The following NFATC2 variants were observed in gnomAD, a reference collection of about 807,000 sequenced individuals.
NFATC2 encodes the protein nuclear factor of activated T cells 2.
In NFATC2, 22 loss-of-function variants were observed where a neutral mutation model predicts 87.3. The observed-to-expected ratio is 0.25, with a 90% confidence interval of 0.18 to 0.36. The LOEUF is 0.36. Among genes scored for constraint, NFATC2 ranks in the 10% least tolerant of loss-of-function variants. The pLI, the probability that NFATC2 is intolerant of heterozygous loss-of-function variation, is 1.00. For missense variants in NFATC2, 1,149 were observed against 1,259.1 expected (o/e 0.91, Z 1.32); for synonymous variants, 565 against 542.2 (o/e 1.04, Z -0.58).
intron 3 of NFATC2, among the ~76,000 whole-genome samples, chr20:51,498,903 G>A (rs1057435579): frequency 6.6e-6 from 1 of 152,236 alleles, no homozygotes; most frequent in Admixed American, 6.5e-5. Flanking sequence ...ACAGCTGAAT[G>A]AAGCAGAGAA....
chr20:51,405,678 T>G (rs1213192144), intron 9 of NFATC2, among the ~76,000 whole-genome samples: 1 of 152,028 alleles, frequency 6.6e-6, no homozygotes, highest in African/African-American at 2.4e-5. Context: ...ACCTCATCTC[T>G]CTCATCTACT....
rs1190499131 is a variant in NFATC2 at position 51,432,262 on chromosome 20, T to C, written c.2527A>G (p.Arg843Gly). Reference protein sequence around the residue: ...YCENFAPGTTRPGPPPVSQGQ... With the variant: ...YCENFAPGTTGPGPPPVSQGQ... ...TGACTGACCGGGGGCGGGCCAGGTC[T>C]GGTGGTGCCTGGTGCGAAATTCTCG... Residue 843 changes from arginine to glycine, a missense_variant, in exon 9 of 11, where the codon AGA (arginine) becomes GGA (glycine). Transcript: ENST00000371564. This position sits in a 1 kb window ranked among gnomAD's most constrained non-coding sequence, Gnocchi z 4.6. 8.7e-6 allele frequency: 14 copies of C among 1,614,100 alleles called. No homozygotes were observed. Among genetic ancestry groups the C allele is most frequent in the Non-Finnish European group, 1.2e-5 (14 of 1,180,046 alleles).
At chr20:51,499,376 T>G (rs1280567752) in intron 3 of NFATC2, among the ~76,000 whole-genome samples, 1 of 152,010 alleles carries the variant, frequency 6.6e-6, no homozygotes, top group East Asian at 1.9e-4. Flanking sequence ...CACAGAACTG[T>G]GAGGAAGGCC....
At position 51,390,752 on chromosome 20, in the gene NFATC2, A is replaced by G. The variant is rs1005904604; in HGVS notation, c.*744T>C. ...CATAACTTAACGCCAAGAAGTCTTA[A>G]CAGGTGATCTTGTCTGGGCAAGACA... On this transcript the variant is annotated 3_prime_UTR_variant, in exon 11 of 11. Coordinates refer to ENST00000371564, the MANE Select transcript of NFATC2 (RefSeq NM_012340.5). The G allele has an allele frequency of 1.2e-5, 2 of 162,296 alleles. No individual in the cohort carries two copies. The highest frequency in any genetic ancestry group is 5.6e-5 in the Admixed American group (1 of 17,720). The allele number at this position is 162,296 out of a possible 1,614,324, so 10.1% of individuals were successfully genotyped here.
At chr20:51,557,358 T>C (rs966387931) in intron 1 of NFATC2, among the ~76,000 whole-genome samples, 6 of 152,146 alleles carry the variant, frequency 3.9e-5, no homozygotes, top group African/African-American at 1.4e-4. Context: ...GCTGCGACCC[T>C]GGTGAGTGAC....
Position 51,432,439 on chromosome 20 carries a change from C to T in NFATC2, c.2350G>A (p.Val784Met). 1 of 1,579,960 alleles carries T rather than the reference C, an allele frequency of 6.3e-7. No homozygotes were observed. Among genetic ancestry groups the T allele is most frequent in the South Asian group, 1.2e-5 (1 of 86,114 alleles). The change falls in exon 9 of 11, where the codon GTG becomes ATG. Residue 784 changes from valine (V) to methionine (M), a missense_variant. Physicochemically the swap from Val to Met is conservative, Grantham distance 21. Around this residue, in one of 3 missense-constraint regions of NFATC2, gnomAD observed 581 missense variants for 649.7 expected, o/e 0.89. Coordinates refer to ENST00000371564, the MANE Select transcript of NFATC2 (RefSeq NM_012340.5). This position sits in a 1 kb window ranked among gnomAD's most constrained non-coding sequence, Gnocchi z 4.6. Reference sequence around the variant, plus strand: ...CCCTGGGAGCCGGCGTGCACCAGCACAGAGCGGTGAGCGTCCGCAAGGGAC... The same window carrying T: ...CCCTGGGAGCCGGCGTGCACCAGCATAGAGCGGTGAGCGTCCGCAAGGGAC... ...PLSLADAHRS[V>M]LVHAGSQGQS...
intron 3 of NFATC2, among the ~76,000 whole-genome samples, chr20:51,509,175 G>A (rs1414175508): frequency 2.6e-5 from 4 of 152,054 alleles, no homozygotes; most frequent in Non-Finnish European, 5.9e-5. Context: ...GCTTTCCCAG[G>A]GAGATCCATC....
At chr20:51,449,895 C>CTACTAAT (rs11471848) in intron 6 of NFATC2, among the ~76,000 whole-genome samples, 135,566 of 151,398 alleles carry the variant, frequency 0.9, 60,675 homozygotes, top group East Asian at 0.96. Context: ...TATTAATGAA[C>CTACTAAT]TACTAATTAC....
At chr20:51,423,894 C>T (rs914440104) in intron 9 of NFATC2, among the ~76,000 whole-genome samples, 9 of 152,206 alleles carry the variant, frequency 5.9e-5, no homozygotes, top group African/African-American at 2.2e-4. Context: ...GAAACACTTG[C>T]TTTGCAGAAT....
At chr20:51,412,994 CCG>C (rs1173521847) in intron 9 of NFATC2, among the ~76,000 whole-genome samples, 1 of 26,538 alleles carries the variant, frequency 3.8e-5, no homozygotes, top group African/African-American at 1.8e-4. Context: ...CCCGCTCCCG[CCG>C]CCCCCCCCCC....
intron 9 of NFATC2, among the ~76,000 whole-genome samples, chr20:51,427,538 C>A (rs1486645027): frequency 1.3e-5 from 2 of 152,168 alleles, no homozygotes; most frequent in Non-Finnish European, 2.9e-5. Context: ...ATTCACACAT[C>A]CCCCTTTTTT....
chr20:51,416,958 G>C (rs2146288789), intron 9 of NFATC2, among the ~76,000 whole-genome samples: 1 of 152,304 alleles, frequency 6.6e-6, no homozygotes, highest in East Asian at 1.9e-4. Context: ...TCAGATCAGT[G>C]GGTCTGGGGC....
intron 3 of NFATC2, among the ~76,000 whole-genome samples, chr20:51,477,533 G>GTA (rs1203933981): frequency 2.0e-4 from 14 of 68,528 alleles, no homozygotes; most frequent in African/African-American, 7.9e-4. Context: ...GTGTGTGTGT[G>GTA]TCTATATATA....
At chr20:51,503,012 G>A (rs1734957668) in intron 3 of NFATC2, among the ~76,000 whole-genome samples, 1 of 152,190 alleles carries the variant, frequency 6.6e-6, no homozygotes, top group Non-Finnish European at 1.5e-5. Context: ...GGTAAAATGT[G>A]CTGAGCAGTA....
chr20:51,475,408 C>A (rs1357577314), intron 4 of NFATC2, 50 bp downstream of exon 4: 1 of 1,592,786 alleles, frequency 6.3e-7, no homozygotes, highest in African/African-American at 1.3e-5. Flanking sequence ...CCACCTGCCC[C>A]CTGCTCGCTT....
intron 1 of NFATC2, among the ~76,000 whole-genome samples, chr20:51,532,057 C>A (rs1412157601): frequency 6.6e-6 from 1 of 152,170 alleles, no homozygotes; most frequent in African/African-American, 2.4e-5. Flanking sequence ...TCGACTAAAT[C>A]TTACTAAAGT....
chr20:51,479,147 CG>C (rs1312815832), intron 3 of NFATC2, among the ~76,000 whole-genome samples: 5 of 151,986 alleles, frequency 3.3e-5, no homozygotes, highest in African/African-American at 9.7e-5. Context: ...GGATGTTAAA[CG>C]TTTACTAGCA....
intron 5 of NFATC2, 44 bp from the exon 6 acceptor site, chr20:51,454,732 T>C (rs942167292): frequency 6.2e-7 from 1 of 1,605,392 alleles, no homozygotes; most frequent in East Asian, 2.2e-5. Context: ...AGGGGAGATG[T>C]CTGTTCAAAA....
chr20:51,556,788 G>T (rs976618640), intron 1 of NFATC2, among the ~76,000 whole-genome samples: 2 of 152,208 alleles, frequency 1.3e-5, no homozygotes, highest in African/African-American at 2.4e-5. Context: ...GCCCCGGAGT[G>T]TCAGGGGAAA....
Sources: gnomAD v4.1 joint callset for allele counts (sites outside exome capture counted in the v4.1 genomes callset) on GRCh38, gnomAD v4.1.1 for gene constraint, gnomAD v4.1.1 regional missense constraint, Gnocchi (gnomAD v3.1) non-coding constraint, MANE v1.5 for transcripts, NCBI Gene and HGNC (gene_info 2026-07-23, HGNC 2026-07-21) for gene names.